Variants in KTN1 observed in about 807,000 individuals in gnomAD.
The protein encoded by KTN1 is kinectin.
A neutral mutation model predicts 222.5 loss-of-function variants in KTN1; 130 were observed. The observed-to-expected ratio is 0.58, with a 90% CI of 0.51 to 0.68. KTN1 has a LOEUF of 0.68. KTN1 is among the 30% of genes least tolerant of loss of function. KTN1 has a pLI of 0.00. For synonymous variants in KTN1, 512 were observed against 496.3 expected (o/e 1.03, Z -0.42); for missense variants, 1,508 against 1,500.4 (o/e 1.01, Z -0.08).
intron 1 of KTN1, among the ~76,000 whole-genome samples, chr14:55,608,469 A>G (rs1027863910): frequency 2.6e-5 from 4 of 152,178 alleles, no homozygotes; most frequent in Non-Finnish European, 4.4e-5. Context: ...ATATAATTAC[A>G]TATGATTTTG....
chr14:55,605,967 AT>A (rs1243329364), intron 1 of KTN1, among the ~76,000 whole-genome samples: 2 of 152,218 alleles, frequency 1.3e-5, no homozygotes, highest in Admixed American at 1.3e-4. Flanking sequence ...TTAAAAAAAA[AT>A]AAGATAGTAA....
intron 25 of KTN1, 52 bp downstream of exon 25, chr14:55,651,979 A>G (rs2042968947): frequency 8.9e-7 from 1 of 1,122,602 alleles, no homozygotes; most frequent in African/African-American, 1.6e-5. Flanking sequence ...CATGAGTTAA[A>G]TAGAAGTATA....
chr14:55,678,492 C>T (rs780710387), intron 42 of KTN1, 48 bp downstream of exon 42: 2 of 1,206,828 alleles, frequency 1.7e-6, no homozygotes, highest in Admixed American at 3.4e-5. Flanking sequence ...TACCTTGTGA[C>T]CTGTGTAAAG....
At chr14:55,622,240 T>C (rs1203107912) in intron 5 of KTN1, among the ~76,000 whole-genome samples, 1 of 152,178 alleles carries the variant, frequency 6.6e-6, no homozygotes, top group African/African-American at 2.4e-5. Flanking sequence ...TCAGGTGATT[T>C]CTGGATAGCA....
chr14:55,683,853 G>T, intron 43 of KTN1: 1 of 407,470 alleles, frequency 2.5e-6, no homozygotes. Flanking sequence ...TACCAGTGTT[G>T]TTGTTTTAAA....
chr14:55,664,517 T>C (rs1015549582), intron 33 of KTN1, among the ~76,000 whole-genome samples: 1 of 152,128 alleles, frequency 6.6e-6, no homozygotes, highest in Non-Finnish European at 1.5e-5. Context: ...TTGGGTGTGT[T>C]GCTTGGAATG....
Position 55,636,542 on chromosome 14 carries a change from G to T in KTN1, c.1549+6G>T. On this transcript the variant is annotated splice_donor_region_variant and intron_variant, in intron 10 of 43. Coordinates refer to ENST00000395314, the MANE Select transcript of KTN1 (RefSeq NM_001079521.2). ...ACATGAGGCAGCACAGCAAGGTAAG[G>T]GGAAGAAGTATTCATGTAAACTTTG... is the stretch of plus-strand genomic sequence containing the variant. 2.5e-6 allele frequency: 4 copies of T among 1,597,230 alleles called. No homozygotes were observed. Among genetic ancestry groups the T allele is most frequent in the Non-Finnish European group, 3.4e-6 (4 of 1,168,838 alleles).
intron 5 of KTN1, 55 bp downstream of exon 5, chr14:55,619,367 C>T: frequency 6.4e-7 from 1 of 1,563,336 alleles, no homozygotes; most frequent in Non-Finnish European, 8.8e-7. Context: ...AGAAGTTCAC[C>T]AAACAAGACT....
intron 40 of KTN1, chr14:55,673,505 A>G (rs948116903): frequency 6.7e-6 from 2 of 300,180 alleles, no homozygotes; most frequent in African/African-American, 2.2e-5. Context: ...AAAATTTTCC[A>G]TGTTTTATAA....
Position 55,583,070 on chromosome 14 carries a change from A to G in KTN1, c.-31+2716A>G, listed in dbSNP as rs576449871. On this transcript the variant is annotated intron_variant, in intron 1 of 43. Transcript: ENST00000395314. Reference sequence around the variant, plus strand: ...CACTGGGAAAATATTGGTCTAGATGAGAATATAAGCCTTTTTCCCTCCTCT... The same window carrying G: ...CACTGGGAAAATATTGGTCTAGATGGGAATATAAGCCTTTTTCCCTCCTCT... 1.1e-4 allele frequency among the ~76,000 whole-genome samples: 16 copies of G among 152,346 alleles called. No homozygotes were observed. In the South Asian group the frequency reaches 1.2e-3, roughly 12 times the overall value.
At chr14:55,580,581 C>T (rs1566633145) in intron 1 of KTN1, among the ~76,000 whole-genome samples, 1 of 151,572 alleles carries the variant, frequency 6.6e-6, no homozygotes, top group Non-Finnish European at 1.5e-5. Flanking sequence ...GAGGGACCTC[C>T]TCGGCCTCGC....
chr14:55,655,135 C>T (rs746043007), intron 28 of KTN1, among the ~76,000 whole-genome samples: 2 of 151,936 alleles, frequency 1.3e-5, no homozygotes, highest in African/African-American at 2.4e-5. Context: ...ACTACAGGCA[C>T]ATGCCACCAT....
In KTN1 at chr14:55,637,341, G is replaced by T; in HGVS notation, c.1693G>T (p.Glu565Ter). 1 of 1,583,760 alleles carries T rather than the reference G, an allele frequency of 6.3e-7. No individual in the cohort carries two copies. The highest frequency in any genetic ancestry group is 8.6e-7 in the Non-Finnish European group (1 of 1,166,814). Residue 565 changes from glutamate (E) to a stop codon, truncating the protein, a stop_gained, in exon 11 of 44, where the codon GAG (glutamate) becomes TAG (stop). Coordinates refer to ENST00000395314, the MANE Select transcript of KTN1 (RefSeq NM_001079521.2). LOFTEE classifies it high-confidence loss of function. ...AGAGCAGAAAAGGGTGAACAAAGAA[G>T]AGTCTCTACAAATGCAGGTTCAGGT... is the stretch of plus-strand genomic sequence containing the variant. ...ESEQKRVNKE[E>*]SLQMQVQDIL...
At chr14:55,622,663 T>C (rs2039314704) in intron 5 of KTN1, among the ~76,000 whole-genome samples, 1 of 152,322 alleles carries the variant, frequency 6.6e-6, no homozygotes, top group Non-Finnish European at 1.5e-5. Flanking sequence ...AATTTTTTCT[T>C]ATACTAGTCT....
intron 5 of KTN1, among the ~76,000 whole-genome samples, chr14:55,623,567 CA>C (rs1292977337): frequency 1.3e-5 from 2 of 152,188 alleles, no homozygotes; most frequent in African/African-American, 4.8e-5. Context: ...GATGGGGTTT[CA>C]CTGTGTTGCC....
At chr14:55,596,720 A>C (rs1467498252) in intron 1 of KTN1, among the ~76,000 whole-genome samples, 2 of 152,114 alleles carry the variant, frequency 1.3e-5, no homozygotes. Context: ...TAGCTCCCTA[A>C]GGTTCTTAGT....
intron 34 of KTN1, among the ~76,000 whole-genome samples, chr14:55,669,529 A>T (rs915023318): frequency 6.6e-6 from 1 of 151,964 alleles, no homozygotes; most frequent in African/African-American, 2.4e-5. Context: ...AGTAGATATA[A>T]AAATATATAA....
Position 55,637,391 on chromosome 14 carries a change from A to T in KTN1, c.1716+27A>T, listed in dbSNP as rs570462228. 1,929 of 1,266,950 alleles carry T rather than the reference A, an allele frequency of 1.5e-3. 2 individuals carry two copies. Among genetic ancestry groups the T allele is most frequent in the Middle Eastern group, 5.3e-3 (24 of 4,550 alleles). The allele number at this position is 1,266,950 out of a possible 1,614,324, so 78.5% of individuals were successfully genotyped here. A position where few individuals can be genotyped will look rare whatever the true frequency, so the allele number is the denominator to read the frequency against. On this transcript the variant is annotated intron_variant, in intron 11 of 43. Coordinates refer to ENST00000395314, the MANE Select transcript of KTN1 (RefSeq NM_001079521.2). ...TATTTTTTCTTCTTTTTTTTTTTTT[A>T]AAAAAATACAGGTGGTCACTTATTA...
At chr14:55,655,978 A>G in intron 28 of KTN1, 64 bp from the exon 29 acceptor site, 2 of 881,196 alleles carry the variant, frequency 2.3e-6, no homozygotes, top group Non-Finnish European at 1.8e-6. Flanking sequence ...TAGGGGTGAT[A>G]TTGGAGTCTG....
Sources: allele counts gnomAD v4.1 joint callset (sites outside exome capture counted in the v4.1 genomes callset), GRCh38; gene constraint gnomAD v4.1.1; transcripts MANE v1.5; gene names NCBI Gene and HGNC (gene_info 2026-07-23, HGNC 2026-07-21).